FAF1: variants seen among roughly 807,000 people sequenced by gnomAD.
The protein encoded by FAF1 is Fas associated factor 1, also known as FAS-associated factor 1.
Under a neutral mutation model 92.5 loss-of-function variants are expected in FAF1, and 25 were observed. The ratio of observed to expected loss-of-function variants is 0.27; its 90% CI spans 0.20 to 0.38. FAF1 has a LOEUF of 0.38. Ranked by LOEUF, FAF1 falls within the 10% of genes least tolerant of loss-of-function variation. The pLI, the probability that FAF1 is intolerant of heterozygous loss-of-function variation, is 1.00. For missense variants in FAF1, 636 were observed against 793.3 expected, an observed-to-expected ratio of 0.80 and a Z score of 2.38; for synonymous variants, 234 against 273.2, an observed-to-expected ratio of 0.86 and a Z score of 1.42.
intron 1 of FAF1, among the ~76,000 whole-genome samples, chr1:50,903,595 C>T (rs1410260429): frequency 1.3e-5 from 2 of 151,748 alleles, no homozygotes; most frequent in East Asian, 1.9e-4. Flanking sequence ...ATTTGGGCAC[C>T]TAATAAAAAT....
At chr1:50,486,181 G>T (rs1646766307) in intron 17 of FAF1, among the ~76,000 whole-genome samples, 1 of 152,082 alleles carries the variant, frequency 6.6e-6, no homozygotes, top group Middle Eastern at 3.2e-3. Context: ...TCTACTTAAG[G>T]TGGCACGAAG....
At chr1:50,678,607 C>A (rs984798920) in intron 7 of FAF1, among the ~76,000 whole-genome samples, 2 of 151,554 alleles carry the variant, frequency 1.3e-5, no homozygotes, top group Non-Finnish European at 2.9e-5. Context: ...CGGTGAAACC[C>A]CGTCTCTACT....
At chr1:50,581,879 T>A (rs181510241) in intron 12 of FAF1, among the ~76,000 whole-genome samples, 14 of 152,332 alleles carry the variant, frequency 9.2e-5, no homozygotes, top group South Asian at 4.1e-4. Flanking sequence ...TGAAGCTACA[T>A]AGATAGGCAG....
chr1:50,888,656 T>C (rs559706874), intron 1 of FAF1, among the ~76,000 whole-genome samples: 2 of 152,342 alleles, frequency 1.3e-5, no homozygotes, highest in East Asian at 3.9e-4. Context: ...GTTTATATGC[T>C]GGATTACGTT....
Position 50,582,513 on chromosome 1 carries a change from GA to G in FAF1, c.1113+104del, listed in dbSNP as rs1651038383. 6.7e-6 allele frequency: 5 copies of G among 750,676 alleles called. No individual in the cohort carries two copies. The East Asian group carries it at 1.2e-4, about 18-fold the overall frequency. 46.5% of individuals were successfully genotyped at this position (750,676 alleles called of 1,614,324 possible). A position where few individuals can be genotyped will look rare whatever the true frequency, so the allele number is the denominator to read the frequency against. On this transcript the variant is annotated intron_variant, in intron 12 of 18. Coordinates refer to ENST00000396153, the MANE Select transcript of FAF1 (RefSeq NM_007051.3). ...ATTCGTGAAGAGTTCCATGTTTTTG[GA>G]AAAAAACAAAAACAAAAACAGAAAA...
Position 50,952,279 on chromosome 1 carries a change from C to T in FAF1, c.45+7488G>A, listed in dbSNP as rs1039325719. Among the ~76,000 whole-genome samples, 6 of 152,218 alleles carry T rather than the reference C, an allele frequency of 3.9e-5. No homozygotes were observed. The East Asian group carries it at 7.7e-4, about 20-fold the overall frequency. On this transcript the variant is annotated intron_variant, in intron 1 of 18. Transcript: ENST00000396153. The stretch of plus-strand genomic sequence containing the variant: ...CGCGCCGCCACGCCTGACTGGTTTT[C>T]GTATCTTTTTGGTGGAGACGGGTTT...
rs1181066519 is a variant in FAF1, at chr1:50,583,167, T to C, written c.1032-468A>G. 6.6e-6 allele frequency among the ~76,000 whole-genome samples: 1 copy of C among 151,864 alleles called. No individual in the cohort carries two copies. The highest frequency in any genetic ancestry group is 2.4e-5 in the African/African-American group (1 of 41,448). ...GAGGATTAAACATTAATTCTCTTTA[T>C]ATTTGAATACCTCAGCAGACTCTCA... On this transcript the variant is annotated intron_variant, in intron 11 of 18. Transcript: ENST00000396153. This position sits in a 1 kb window ranked among gnomAD's most constrained non-coding sequence, Gnocchi z 4.2.
intron 15 of FAF1, among the ~76,000 whole-genome samples, chr1:50,522,733 A>G (rs1215451582): frequency 2.6e-5 from 4 of 152,176 alleles, no homozygotes; most frequent in Admixed American, 2.0e-4. Context: ...ATTGAAAACT[A>G]TATTATTTGT....
intron 4 of FAF1, among the ~76,000 whole-genome samples, chr1:50,758,998 ACGTC>A (rs1660202441): frequency 6.6e-6 from 1 of 151,968 alleles, no homozygotes; most frequent in Non-Finnish European, 1.5e-5. Context: ...ACCAGCCACC[ACGTC>A]CAGCTAATTT....
chr1:50,904,016 G>A (rs1644816387), intron 1 of FAF1, among the ~76,000 whole-genome samples: 1 of 152,094 alleles, frequency 6.6e-6, no homozygotes. Flanking sequence ...TTCCACTTCC[G>A]GGTATATATT....
intron 6 of FAF1, among the ~76,000 whole-genome samples, chr1:50,725,260 C>T (rs59318346): frequency 2.0e-5 from 3 of 151,956 alleles, no homozygotes; most frequent in Non-Finnish European, 4.4e-5. Flanking sequence ...TCTGAGGCCC[C>T]GTGCAGACTT....
chr1:50,893,465 A>T (rs1231213798), intron 1 of FAF1, among the ~76,000 whole-genome samples: 3 of 152,312 alleles, frequency 2.0e-5, no homozygotes, highest in East Asian at 3.9e-4. Context: ...CTTGGATAAG[A>T]TCTGGAAGAA....
intron 6 of FAF1, among the ~76,000 whole-genome samples, chr1:50,713,247 C>G (rs528397531): frequency 1.4e-5 from 2 of 143,648 alleles, no homozygotes; most frequent in African/African-American, 5.3e-5. Context: ...AATAATGAAA[C>G]AGTTAAAAAA....
intron 9 of FAF1, among the ~76,000 whole-genome samples, chr1:50,590,978 T>C (rs1651474220): frequency 6.8e-6 from 1 of 147,748 alleles, no homozygotes; most frequent in Non-Finnish European, 1.5e-5. Context: ...CGAGACTCTG[T>C]CTCCAAAAAA....
In FAF1 at chr1:50,800,616, T is replaced by C. The variant is rs1432399401; in HGVS notation, c.161+1015A>G. On this transcript the variant is annotated intron_variant, in intron 3 of 18. Transcript: ENST00000396153. ...GTATAGGTCTATTTTATCATTGCTT[T>C]CATCTAAAAACCATCAACCATTAAA... is the stretch of plus-strand genomic sequence containing the variant. Among the ~76,000 whole-genome samples, 3 of 152,312 alleles carry C rather than the reference T, an allele frequency of 2.0e-5. No homozygotes were observed. The East Asian group carries it at 5.8e-4, about 29-fold the overall frequency.
chr1:50,511,397 C>T (rs1341469202), intron 15 of FAF1, among the ~76,000 whole-genome samples: 1 of 151,130 alleles, frequency 6.6e-6, no homozygotes, highest in Non-Finnish European at 1.5e-5. Context: ...CCTCCCCTAA[C>T]CCCCCACCCA....
At chr1:50,501,253 CA>C (rs1428761235) in intron 15 of FAF1, among the ~76,000 whole-genome samples, 2 of 152,182 alleles carry the variant, frequency 1.3e-5, no homozygotes, top group African/African-American at 4.8e-5. Context: ...CATCAAAAGA[CA>C]CATAGACAGC....
chr1:50,814,319 T>C (rs1016620499), intron 2 of FAF1, among the ~76,000 whole-genome samples: 1 of 152,174 alleles, frequency 6.6e-6, no homozygotes, highest in Non-Finnish European at 1.5e-5. Flanking sequence ...GTGTATGCTA[T>C]ATTGCAAAAT....
chr1:50,744,473 T>G (rs575565215), intron 5 of FAF1, among the ~76,000 whole-genome samples: 1 of 152,372 alleles, frequency 6.6e-6, no homozygotes, highest in South Asian at 2.1e-4. Context: ...ACTGTTTTCA[T>G]TTACAAATCT....
Sources: allele counts gnomAD v4.1 joint callset (sites outside exome capture counted in the v4.1 genomes callset), GRCh38; gene constraint gnomAD v4.1.1; non-coding constraint Gnocchi (gnomAD v3.1); transcripts MANE v1.5; gene names NCBI Gene and HGNC (gene_info 2026-07-23, HGNC 2026-07-21).